NPY1R: variants seen among roughly 807,000 people sequenced by gnomAD.
The protein encoded by NPY1R is neuropeptide Y receptor Y1.
In NPY1R, 10 loss-of-function variants were observed where a neutral mutation model predicts 24.1. That is an observed-to-expected ratio of 0.42 (90% CI 0.26 to 0.71). NPY1R has a LOEUF of 0.71. Ranked by LOEUF, NPY1R falls within the 30% of genes least tolerant of loss-of-function variation. The pLI, the probability that NPY1R is intolerant of heterozygous loss-of-function variation, is 0.28. For synonymous variants in NPY1R, 168 were observed against 165.9 expected, an observed-to-expected ratio of 1.01 and a Z score of -0.10; for missense variants, 350 against 458.0, an observed-to-expected ratio of 0.76 and a Z score of 2.15.
rs1179818429 is a variant in NPY1R at position 163,325,872 on chromosome 4, A to C, written c.683T>G (p.Phe228Cys). The change falls in exon 2 of 3, where the codon TTT becomes TGT. Residue 228 changes from phenylalanine to cysteine, a missense_variant. Coordinates refer to ENST00000296533, the MANE Select transcript of NPY1R (RefSeq NM_000909.6). Reference sequence around the variant, plus strand: ...TTTTCTTACCTTGAAGTAGCAAATAAATATAAAACAAAGTGGACCAAAATA... The same window carrying C: ...TTTTCTTACCTTGAAGTAGCAAATACATATAAAACAAAGTGGACCAAAATA... ...LQYFGPLCFI[F>C]ICYFKIYIRL... 1 of 1,613,480 alleles carries C rather than the reference A, an allele frequency of 6.2e-7. No homozygotes were observed.
intron 1 of NPY1R, among the ~76,000 whole-genome samples, chr4:163,329,252 T>C (rs2110793112): frequency 1.3e-5 from 2 of 152,158 alleles, no homozygotes; most frequent in South Asian, 4.1e-4. Flanking sequence ...AGAAAAAAAT[T>C]AGTAAAAGAT....
At chr4:163,342,074 G>A (rs1343879890) in intron 1 of NPY1R, among the ~76,000 whole-genome samples, 2 of 152,104 alleles carry the variant, frequency 1.3e-5, no homozygotes, top group African/African-American at 4.8e-5. Flanking sequence ...CTTGTTTGTG[G>A]GTGCAGTGGG....
In NPY1R at chr4:163,339,400, A is replaced by G. The variant is rs561994962; in HGVS notation, c.-152+4905T>C. Among the ~76,000 whole-genome samples, 24 of 152,298 alleles carry G rather than the reference A, an allele frequency of 1.6e-4. No individual in the cohort carries two copies. In the East Asian group the frequency reaches 4.2e-3, roughly 27 times the overall value. On this transcript the variant is annotated intron_variant, in intron 1 of 1. Coordinates refer to the NPY1R transcript ENST00000511901. Reference sequence around the variant, plus strand: ...GAATATAAATAAGAAATAAACCTAGAGTTTATTTCAATTGCAGAACTTATC... The same window carrying G: ...GAATATAAATAAGAAATAAACCTAGGGTTTATTTCAATTGCAGAACTTATC...
intron 1 of NPY1R, among the ~76,000 whole-genome samples, chr4:163,332,124 G>C (rs1482633409): frequency 6.6e-6 from 1 of 152,238 alleles, no homozygotes; most frequent in African/African-American, 2.4e-5. Context: ...AAATGAGCGG[G>C]TGTGGGATAG....
chr4:163,341,096 T>C (rs756175859), intron 1 of NPY1R, among the ~76,000 whole-genome samples: 10 of 151,804 alleles, frequency 6.6e-5, no homozygotes, highest in Non-Finnish European at 1.5e-4. Flanking sequence ...TGGGTTTTTT[T>C]TTTGTTCAAA....
Position 163,325,640 on chromosome 4 carries a change from G to A in NPY1R, c.818C>T (p.Ala273Val). The A allele has an allele frequency of 1.2e-6, 2 of 1,610,166 alleles. No homozygotes were observed. The highest frequency in any genetic ancestry group is 1.7e-6 in the Non-Finnish European group (2 of 1,179,672). The part of the protein sequence containing the change: ...IMLLSIVVAF[A>V]VCWLPLTIFN... ...GATGGTAAGAGGGAGCCAGCAGACTGCAAATGCTACCACAATGGAGAGCAG... is the reference window on the plus strand; with the variant it reads ...GATGGTAAGAGGGAGCCAGCAGACTACAAATGCTACCACAATGGAGAGCAG... The change falls in exon 3 of 3, where the codon GCA becomes GTA. Residue 273 changes from alanine to valine, a missense_variant. By Grantham distance (64) the Ala-to-Val change is moderately conservative. Transcript: ENST00000296533.
intron 1 of NPY1R, among the ~76,000 whole-genome samples, chr4:163,328,295 T>C (rs1429982298): frequency 6.6e-6 from 1 of 152,222 alleles, no homozygotes; most frequent in Non-Finnish European, 1.5e-5. Flanking sequence ...AACCACACTT[T>C]GTCTCTCAAG....
chr4:163,342,957 TTC>T (rs111227651), intron 1 of NPY1R, among the ~76,000 whole-genome samples: 128 of 132,798 alleles, frequency 9.6e-4, no homozygotes, highest in Admixed American at 1.6e-3. Context: ...CCTTCTCTCC[TTC>T]TCTCTCTCTC....
chr4:163,325,242 T>C lies in NPY1R; in HGVS notation c.*61A>G, dbSNP rs1052382509. ...CTTGGGAGAACAGGTAATCAAAGTA[T>C]GTTGCAGGTTGTGCTTGTTTTTAAA... On this transcript the variant is annotated 3_prime_UTR_variant, in exon 3 of 3. Coordinates refer to ENST00000296533, the MANE Select transcript of NPY1R (RefSeq NM_000909.6). 2 of 1,125,492 alleles carry C rather than the reference T, an allele frequency of 1.8e-6. No individual in the cohort carries two copies. The highest frequency in any genetic ancestry group is 4.4e-5 in the Admixed American group (2 of 45,928). 69.7% of individuals were successfully genotyped at this position (1,125,492 alleles called of 1,614,324 possible).
chr4:163,341,904 TC>T (rs1734992137), intron 1 of NPY1R, among the ~76,000 whole-genome samples: 1 of 152,254 alleles, frequency 6.6e-6, no homozygotes, highest in South Asian at 2.1e-4. Flanking sequence ...AACACACTTA[TC>T]TTCATATCTT....
upstream of NPY1R, chr4:163,333,141 T>TC (rs1734770834): frequency 2.6e-5 from 4 of 152,180 alleles, no homozygotes; most frequent in Admixed American, 2.6e-4. Flanking sequence ...GTCAAAGCAG[T>TC]CAATCGGCCC....
chr4:163,341,502 G>A (rs7685275), intron 1 of NPY1R, among the ~76,000 whole-genome samples: 131,143 of 152,144 alleles, frequency 0.86, 57,019 homozygotes, highest in East Asian at 0.99. Context: ...GCTTTGACAA[G>A]AACCACAGCC....
In NPY1R at chr4:163,326,051, A is replaced by C; in HGVS notation, c.504T>G (p.Ala168=). Residue 168 remains alanine (A), a synonymous_variant, in exon 2 of 3, where the codon GCT becomes GCG. Coordinates refer to ENST00000296533, the MANE Select transcript of NPY1R (RefSeq NM_000909.6). The part of the protein sequence containing the change: ...GIAVIWVLAV[A]SSLPFLIYQV... The stretch of plus-strand genomic sequence containing the variant: ...GGTAGATCAGGAAAGGCAAAGAAGA[A>C]GCCACAGCAAGGACCCAAATCACAG... 6.2e-7 allele frequency: 1 copy of C among 1,614,126 alleles called. No individual in the cohort carries two copies. Among genetic ancestry groups the C allele is most frequent in the African/African-American group, 1.3e-5 (1 of 75,048 alleles).
intron 1 of NPY1R, among the ~76,000 whole-genome samples, chr4:163,328,212 G>A (rs1462335623): frequency 6.6e-6 from 1 of 152,074 alleles, no homozygotes; most frequent in African/African-American, 2.4e-5. Flanking sequence ...TTTCAGGTAT[G>A]AGTGTTATTA....
intron 1 of NPY1R, among the ~76,000 whole-genome samples, chr4:163,331,443 T>C (rs1734725130): frequency 6.6e-6 from 1 of 152,062 alleles, no homozygotes; most frequent in African/African-American, 2.4e-5. Flanking sequence ...TCATATTGCG[T>C]AACTAGGTGA....
rs750677522 is a variant in NPY1R, at chr4:163,326,527, C to T, written c.28G>A (p.Glu10Lys). The T allele has an allele frequency of 4.4e-6, 7 of 1,602,830 alleles. No individual in the cohort carries two copies. Among genetic ancestry groups the T allele is most frequent in the Non-Finnish European group, 6.0e-6 (7 of 1,175,756 alleles). The change falls in exon 2 of 3, where the codon GAA becomes AAA. Residue 10 changes from glutamate (E) to lysine (K), a missense_variant. By Grantham distance (56) the Glu-to-Lys change is moderately conservative (BLOSUM62 1). Transcript: ENST00000296533. MNSTLFSQV[E>K]NHSVHSNFSE... ...AAATTAGAGTGGACTGAATGATTTTCAACCTGGGAAAATAATGTTGAATTC... is the reference window on the plus strand; with the variant it reads ...AAATTAGAGTGGACTGAATGATTTTTAACCTGGGAAAATAATGTTGAATTC...
At chr4:163,343,770 G>GCCC (rs910099056) in intron 1 of NPY1R, among the ~76,000 whole-genome samples, 1 of 152,068 alleles carries the variant, frequency 6.6e-6, no homozygotes, top group African/African-American at 2.4e-5. Context: ...GACGCCCCCG[G>GCCC]CCCCCGGCTT....
exon 1 of NPY1R, chr4:163,344,536 C>T (rs1181634850): frequency 6.6e-6 from 1 of 152,294 alleles, no homozygotes; most frequent in Non-Finnish European, 1.5e-5. Context: ...CGGGGCGCCA[C>T]TCAGGCCGTC....
Position 163,325,435 on chromosome 4 carries a change from C to T in NPY1R, c.1023G>A (p.Arg341=), listed in dbSNP as rs549493940. ...TTGTTTCATAATCATCATCCCGAGACCGGAAATCACAAAAGTTGAAGAAGA... is the reference window on the plus strand; with the variant it reads ...TTGTTTCATAATCATCATCCCGAGATCGGAAATCACAAAAGTTGAAGAAGA... ...LQFFFNFCDF[R]SRDDDYETIA... The change falls in exon 3 of 3, where the codon CGG becomes CGA. Residue 341 remains arginine, a synonymous_variant. Transcript: ENST00000296533. The T allele has an allele frequency of 5.0e-5, 81 of 1,613,912 alleles. No individual in the cohort carries two copies. The South Asian group carries it at 7.5e-4, about 15-fold the overall frequency.
Sources: allele counts gnomAD v4.1 joint callset (sites outside exome capture counted in the v4.1 genomes callset), GRCh38; gene constraint gnomAD v4.1.1; transcripts MANE v1.5; gene names NCBI Gene and HGNC (gene_info 2026-07-23, HGNC 2026-07-21).